TMPRSS9: variants seen among roughly 807,000 people sequenced by gnomAD.
TMPRSS9 encodes the protein transmembrane protease serine 9.
TMPRSS9 carries 113 observed loss-of-function variants against 111.4 expected under a neutral mutation model. That is an observed-to-expected ratio of 1.01 (90% CI 0.87 to 1.19). The LOEUF is 1.19. TMPRSS9 is among the 50% of genes most tolerant of loss of function. The pLI, the probability that TMPRSS9 is intolerant of heterozygous loss-of-function variation, is 0.00. For missense variants in TMPRSS9, 1,803 were observed against 1,513.1 expected (o/e 1.19, Z -3.18); for synonymous variants, 805 against 659.1 (o/e 1.22, Z -3.39).
intron 14 of TMPRSS9, 82 bp downstream of exon 15, chr19:2,422,329 G>A (rs1026131118): frequency 6.3e-6 from 9 of 1,434,704 alleles, no homozygotes; most frequent in South Asian, 1.6e-5. Flanking sequence ...ACATAACGTC[G>A]TCCACTTTGG....
chr19:2,424,163 C>T lies in TMPRSS9; in HGVS notation c.2623C>T (p.Gln875Ter), dbSNP rs1396564046. Reference sequence around the variant, plus strand: ...AGCGGGCCGTGGGGAGTGGCCGTGGCAGGTGAGCCTGTGGCTGCGGCGCCG... The same window carrying T: ...AGCGGGCCGTGGGGAGTGGCCGTGGTAGGTGAGCCTGTGGCTGCGGCGCCG... The change falls in exon 15 of 18, where the codon CAG becomes TAG. Residue 875 changes from glutamine (Q) to a stop codon, truncating the protein, a stop_gained. Coordinates refer to ENST00000648592, the Ensembl canonical transcript of TMPRSS9. LOFTEE classifies it high-confidence loss of function. The T allele has an allele frequency of 1.4e-6, 2 of 1,463,248 alleles. No individual in the cohort carries two copies. Among genetic ancestry groups the T allele is most frequent in the Non-Finnish European group, 1.8e-6 (2 of 1,102,954 alleles). 90.6% of individuals were successfully genotyped at this position (1,463,248 alleles called of 1,614,324 possible).
intron 12 of TMPRSS9, among the ~76,000 whole-genome samples, chr19:2,417,696 A>G (rs1279859554): frequency 6.6e-6 from 1 of 152,082 alleles, no homozygotes; most frequent in Non-Finnish European, 1.5e-5. Flanking sequence ...GCGCTAGTCT[A>G]TCCCGAGACC....
chr19:2,424,946 G>GCGGGGGC (rs1481065454), intron 15 of TMPRSS9, 56 bp from the exon 17 acceptor site: 7 of 1,396,834 alleles, frequency 5.0e-6, no homozygotes, highest in East Asian at 3.0e-5. Context: ...CACCACAGGG[G>GCGGGGGC]CGGGGGCCGG....
At chr19:2,405,486 C>T in exon 7 of TMPRSS9, 1 of 1,606,576 alleles carries the variant, frequency 6.2e-7, no homozygotes, top group Non-Finnish European at 8.5e-7. Context: ...AGGAGCACTT[C>T]TGTGGGGCCG....
Position 2,409,141 on chromosome 19 carries a change from T to A in TMPRSS9, c.1117+511T>A, listed in dbSNP as rs1291635624. 3.5e-5 allele frequency among the ~76,000 whole-genome samples: 4 copies of A among 113,300 alleles called. No homozygotes were observed. The South Asian group carries it at 1.1e-3, about 32-fold the overall frequency. 74.3% of individuals were successfully genotyped at this position (113,300 alleles called of 152,430 possible). On this transcript the variant is annotated intron_variant, in intron 8 of 17. Transcript: ENST00000648592. ...AACCCATCATCGATGCTACTGCGAT[T>A]TTTTTTTTTTTTTTTTGAGATGGAG...
At position 2,401,980 on chromosome 19, in the gene TMPRSS9, C is replaced by T. The variant is rs1398272455; in HGVS notation, c.520C>T (p.His174Tyr). ...TCTTCTCTGTTTTGTTGCAGGGAGA[C>T]ATAAGGGACCCTTGGCAGAAAGAGA... The change falls in exon 5 of 18, where the codon CAT becomes TAT. Residue 174 changes from histidine (H) to tyrosine (Y), a missense_variant. Coordinates refer to ENST00000648592, the Ensembl canonical transcript of TMPRSS9. The T allele has an allele frequency of 3.7e-6, 6 of 1,610,812 alleles. No homozygotes were observed. The South Asian group carries it at 4.4e-5, about 12-fold the overall frequency.
At chr19:2,418,328 TC>T (rs1568189435) in intron 13 of TMPRSS9, among the ~76,000 whole-genome samples, 190 bp downstream of exon 14, 4 of 22,210 alleles carry the variant, frequency 1.8e-4, no homozygotes, top group African/African-American at 1.6e-3. Flanking sequence ...CCTCCCTCCC[TC>T]CCTTTCCTTC....
At chr19:2,426,103 C>T (rs780185660) in exon 18 of TMPRSS9, 26 of 1,537,420 alleles carry the variant, frequency 1.7e-5, no homozygotes, top group Non-Finnish European at 2.2e-5. Flanking sequence ...CACGTGACTG[C>T]CCAGGCCGAG....
upstream of TMPRSS9, among the ~76,000 whole-genome samples, chr19:2,384,954 C>T (rs1417286317): frequency 5.4e-5 from 8 of 148,616 alleles, no homozygotes; most frequent in African/African-American, 2.0e-4. Flanking sequence ...TGCACTCCAG[C>T]CTGGGGGACA....
chr19:2,361,601 G>C (rs565544941), intron 1 of TMPRSS9, among the ~76,000 whole-genome samples: 1 of 152,160 alleles, frequency 6.6e-6, no homozygotes, highest in African/African-American at 2.4e-5. Flanking sequence ...GCTGGGGACC[G>C]TGGCGTTATC....
At chr19:2,390,233 T>G (rs1299011478) in intron 1 of TMPRSS9, among the ~76,000 whole-genome samples, 2 of 128,868 alleles carry the variant, frequency 1.6e-5, no homozygotes, top group Admixed American at 1.4e-4. Flanking sequence ...CCAAAGTAGT[T>G]TTTTTTTTTG....
At chr19:2,401,770 TC>T in intron 4 of TMPRSS9, among the ~76,000 whole-genome samples, 1 of 150,660 alleles carries the variant, frequency 6.6e-6, no homozygotes, top group South Asian at 2.1e-4. Context: ...ACCACACCCG[TC>T]TAATTTTTGT....
intron 1 of TMPRSS9, among the ~76,000 whole-genome samples, chr19:2,390,312 G>C (rs915050309): frequency 7.5e-6 from 1 of 133,366 alleles, no homozygotes; most frequent in East Asian, 2.2e-4. Context: ...GTGATATCTC[G>C]GCTCACTGCA....
chr19:2,361,090 C>A (rs993930230), intron 1 of TMPRSS9, among the ~76,000 whole-genome samples: 2 of 142,608 alleles, frequency 1.4e-5, no homozygotes, highest in African/African-American at 2.6e-5. Flanking sequence ...GCCTGGAGCC[C>A]TCTGGGGTCA....
At chr19:2,394,935 A>G (rs1970676646) in intron 1 of TMPRSS9, among the ~76,000 whole-genome samples, 1 of 152,136 alleles carries the variant, frequency 6.6e-6, no homozygotes, top group African/African-American at 2.4e-5. Flanking sequence ...TTTTATGACT[A>G]TTATTTTTGC....
intron 1 of TMPRSS9, among the ~76,000 whole-genome samples, chr19:2,379,181 C>CTTTTT (rs919990556): frequency 9.4e-4 from 93 of 99,382 alleles, no homozygotes; most frequent in Admixed American, 1.7e-3. Context: ...GCTTCTTTCT[C>CTTTTT]TTTTTTTTTT....
At chr19:2,367,271 C>T (rs907914173) in intron 1 of TMPRSS9, among the ~76,000 whole-genome samples, 7 of 152,230 alleles carry the variant, frequency 4.6e-5, no homozygotes, top group African/African-American at 1.7e-4. Flanking sequence ...AGTTACCTAA[C>T]TCTTCGGTGC....
At chr19:2,418,248 CCCCCTCCTTCCCTCCTTGTCCT>C (rs1971298671) in intron 13 of TMPRSS9, 110 bp downstream of exon 14, 1 of 1,377,676 alleles carries the variant, frequency 7.3e-7, no homozygotes, top group East Asian at 2.5e-5. Context: ...CTTTCCTTCC[CCCCCTCCTTCCCTCCTTGTCCT>C]TCCCTCCTTT....
At chr19:2,392,322 G>A (rs1192496521) in intron 1 of TMPRSS9, among the ~76,000 whole-genome samples, 5 of 152,150 alleles carry the variant, frequency 3.3e-5, no homozygotes, top group Admixed American at 2.6e-4. Flanking sequence ...GAGCCCAGGA[G>A]TTGGAGCCTG....
Sources: allele counts gnomAD v4.1 joint callset (sites outside exome capture counted in the v4.1 genomes callset), GRCh38; gene constraint gnomAD v4.1.1; transcripts MANE v1.5; gene names NCBI Gene and HGNC (gene_info 2026-07-23, HGNC 2026-07-21).